Variants in ITCH observed in about 807,000 individuals in gnomAD.
ITCH encodes E3 ubiquitin-protein ligase Itchy homolog.
Under a neutral mutation model 126.8 loss-of-function variants are expected in ITCH, and 28 were observed. The ratio of observed to expected loss-of-function variants is 0.22; its 90% CI spans 0.16 to 0.30. The LOEUF (loss-of-function observed/expected upper bound fraction) is 0.30, where lower values mean the gene tolerates loss of function less well. ITCH is among the 10% of genes least tolerant of loss of function. ITCH has a pLI of 1.00. For missense variants in ITCH, 631 were observed against 1,032.4 expected, an observed-to-expected ratio of 0.61 and a Z score of 5.33; for synonymous variants, 342 against 340.0, an observed-to-expected ratio of 1.01 and a Z score of -0.06.
At chr20:34,423,657 G>A (rs1357308106) in intron 6 of ITCH, among the ~76,000 whole-genome samples, 1 of 152,074 alleles carries the variant, frequency 6.6e-6, no homozygotes, top group Non-Finnish European at 1.5e-5. Context: ...AGACTGGAGT[G>A]CAATGGCGCG....
intron 7 of ITCH, among the ~76,000 whole-genome samples, chr20:34,433,314 CA>C (rs1982576568): frequency 6.6e-6 from 1 of 152,162 alleles, no homozygotes; most frequent in African/African-American, 2.4e-5. Context: ...AACAAGCAAC[CA>C]GTATTTTTCA....
In ITCH at chr20:34,445,226, C is replaced by A. The variant is rs1033159979; in HGVS notation, c.966-61C>A. ...AAGTAGTTTCTCAAGGTAAAATATT[C>A]TATCTGTTTCACAAGTATTTGTTGA... On this transcript the variant is annotated intron_variant, in intron 10 of 24. Transcript: ENST00000374864. 1.6e-5 allele frequency: 25 copies of A among 1,568,972 alleles called. No homozygotes were observed. In the African/African-American group the frequency reaches 2.6e-4, roughly 16 times the overall value.
At chr20:34,365,364 T>A (rs1449652413) in intron 1 of ITCH, among the ~76,000 whole-genome samples, 2 of 151,960 alleles carry the variant, frequency 1.3e-5, no homozygotes, top group Non-Finnish European at 2.9e-5. Flanking sequence ...ACAGACTACT[T>A]CTTCAGTGTA....
chr20:34,428,446 C>T lies in ITCH; in HGVS notation c.521+3921C>T, dbSNP rs6088496. Among the ~76,000 whole-genome samples the T allele has an allele frequency of 8.7e-3, 1,322 of 152,266 alleles. 7 individuals carry two copies. Among genetic ancestry groups the T allele is most frequent in the Non-Finnish European group, 0.012 (812 of 68,022 alleles). On this transcript the variant is annotated intron_variant, in intron 7 of 24. Coordinates refer to ENST00000374864, the MANE Select transcript of ITCH (RefSeq NM_031483.7). ...AAATGTGTTTATTGATCTGTTTTCC[C>T]CACAGCATGTCTGGATGTTTTATGT...
Position 34,440,367 on chromosome 20 carries a change from A to G in ITCH, c.869+23A>G, listed in dbSNP as rs749358490. 1.3e-5 allele frequency: 21 copies of G among 1,559,004 alleles called. No individual in the cohort carries two copies. In the Admixed American group the frequency reaches 2.2e-4, roughly 16 times the overall value. ...TGGGTGAGTAACTTTTTAAATTAAC[A>G]TATGTTGTCTTTAGGATTCTTCATA... On this transcript the variant is annotated intron_variant, in intron 9 of 24. Coordinates refer to ENST00000374864, the MANE Select transcript of ITCH (RefSeq NM_031483.7).
intron 8 of ITCH, among the ~76,000 whole-genome samples, chr20:34,438,999 A>C (rs539162297): frequency 1.3e-5 from 2 of 152,350 alleles, no homozygotes; most frequent in Non-Finnish European, 2.9e-5. Flanking sequence ...TTAAAAAGTT[A>C]GTAAACGAAA....
chr20:34,390,488 T>C (rs1157138742), intron 2 of ITCH, among the ~76,000 whole-genome samples: 1 of 148,868 alleles, frequency 6.7e-6, no homozygotes, highest in Non-Finnish European at 1.5e-5. Context: ...TCTAGCTCTA[T>C]TGCCCAGGCT....
chr20:34,414,668 T>G (rs1022827800), intron 6 of ITCH, among the ~76,000 whole-genome samples: 2 of 151,864 alleles, frequency 1.3e-5, no homozygotes, highest in African/African-American at 4.8e-5. Flanking sequence ...TTAGTAGAGA[T>G]GGGGTTTTTC....
At position 34,496,671 on chromosome 20, in the gene ITCH, C is replaced by T. The variant is rs1179782166; in HGVS notation, c.2416+4074C>T. On this transcript the variant is annotated intron_variant, in intron 23 of 24. Coordinates refer to ENST00000374864, the MANE Select transcript of ITCH (RefSeq NM_031483.7). ...TACAAAAATTAGCTGGGCGTGGTGG[C>T]GCGTGCCTGTCATCCCAACTACTCA... is the stretch of plus-strand genomic sequence containing the variant. 3.3e-5 allele frequency among the ~76,000 whole-genome samples: 5 copies of T among 151,632 alleles called. No individual in the cohort carries two copies. The East Asian group carries it at 5.9e-4, about 18-fold the overall frequency.
intron 14 of ITCH, among the ~76,000 whole-genome samples, chr20:34,464,658 G>C (rs932189776): frequency 6.6e-6 from 1 of 151,774 alleles, no homozygotes; most frequent in African/African-American, 2.4e-5. Context: ...CTGTACCTTT[G>C]GTGTCATATC....
intron 12 of ITCH, among the ~76,000 whole-genome samples, chr20:34,449,782 T>A (rs1984968018): frequency 6.6e-6 from 1 of 152,176 alleles, no homozygotes; most frequent in African/African-American, 2.4e-5. Context: ...CCAGTAGGTC[T>A]GGGTGGACTT....
chr20:34,503,954 T>C (rs1325577522), intron 23 of ITCH, among the ~76,000 whole-genome samples: 1 of 146,876 alleles, frequency 6.8e-6, no homozygotes, highest in Non-Finnish European at 1.5e-5. Flanking sequence ...CAATCTTGAG[T>C]CACTGCAACT....
At chr20:34,454,923 G>A (rs549263910) in intron 12 of ITCH, among the ~76,000 whole-genome samples, 265 of 143,862 alleles carry the variant, frequency 1.8e-3, no homozygotes, top group African/African-American at 6.5e-3. Flanking sequence ...TCTGCCTCCC[G>A]GGTTCAAGCG....
At chr20:34,433,047 T>C (rs532716789) in intron 7 of ITCH, among the ~76,000 whole-genome samples, 1 of 152,208 alleles carries the variant, frequency 6.6e-6, no homozygotes, top group South Asian at 2.1e-4. Context: ...CCCAGCACTT[T>C]AGGAGGCTGA....
chr20:34,476,153 C>A (rs952652675), intron 16 of ITCH: 2 of 814,096 alleles, frequency 2.5e-6, no homozygotes, highest in African/African-American at 3.3e-5. Flanking sequence ...GCCAGAGTTC[C>A]CTCACATGCA....
At chr20:34,371,279 CTTT>C (rs770951963) in intron 2 of ITCH, among the ~76,000 whole-genome samples, 92 of 118,432 alleles carry the variant, frequency 7.8e-4, no homozygotes, top group South Asian at 4.8e-3. Flanking sequence ...ATCACTTCTT[CTTT>C]TTTTTTTTTT....
intron 7 of ITCH, among the ~76,000 whole-genome samples, chr20:34,434,910 A>G (rs1601892766): frequency 6.6e-6 from 1 of 152,210 alleles, no homozygotes; most frequent in East Asian, 1.9e-4. Context: ...AGGTATTTGA[A>G]TACTCTATAA....
chr20:34,481,349 T>A, intron 20 of ITCH, 143 bp downstream of exon 20: 1 of 958,352 alleles, frequency 1.0e-6, no homozygotes, highest in Non-Finnish European at 1.5e-6. Flanking sequence ...TCATTTTTCA[T>A]TTCTAAAAAG....
At chr20:34,464,154 T>G (rs1377441639) in intron 14 of ITCH, among the ~76,000 whole-genome samples, 1 of 151,272 alleles carries the variant, frequency 6.6e-6, no homozygotes, top group South Asian at 2.1e-4. Context: ...TTTTTTTTTT[T>G]TTTTGTATTT....
Sources: gnomAD v4.1 joint callset for allele counts (sites outside exome capture counted in the v4.1 genomes callset) on GRCh38, gnomAD v4.1.1 for gene constraint, MANE v1.5 for transcripts, NCBI Gene and HGNC (gene_info 2026-07-23, HGNC 2026-07-21) for gene names.